NELL2: variants seen among roughly 807,000 people sequenced by gnomAD.
NELL2 encodes protein kinase C-binding protein NELL2.
In NELL2, 41 loss-of-function variants were observed where a neutral mutation model predicts 109.6. The ratio of observed to expected loss-of-function variants is 0.37; its 90% CI spans 0.29 to 0.49. The LOEUF (loss-of-function observed/expected upper bound fraction) is 0.49, where lower values mean the gene tolerates loss of function less well. Ranked by LOEUF, NELL2 falls within the 20% of genes least tolerant of loss-of-function variation. NELL2 has a pLI of 0.98. For synonymous variants in NELL2, 355 were observed against 344.7 expected (o/e 1.03, Z -0.33); for missense variants, 900 against 1,008.3 (o/e 0.89, Z 1.45).
chr12:44,542,868 G>A lies in NELL2; in HGVS notation c.1664-10147C>T, dbSNP rs190178120. 3.9e-5 allele frequency among the ~76,000 whole-genome samples: 6 copies of A among 152,288 alleles called. No homozygotes were observed. The East Asian group carries it at 1.2e-3, about 29-fold the overall frequency. ...ATTCTTCATCTGGAGTTATGTAGGT[G>A]TACACTGGAGTTATGTAGCCATAGC... On this transcript the variant is annotated intron_variant, in intron 15 of 19. Coordinates refer to ENST00000429094, the MANE Select transcript of NELL2 (RefSeq NM_001145108.2).
At chr12:44,886,745 C>A (rs1945477796) in intron 1 of NELL2, among the ~76,000 whole-genome samples, 1 of 151,972 alleles carries the variant, frequency 6.6e-6, no homozygotes, top group African/African-American at 2.4e-5. Context: ...TCTATGTTAA[C>A]ACTAAGTCTT....
chr12:44,712,503 T>C (rs747867675), intron 10 of NELL2, among the ~76,000 whole-genome samples: 2 of 151,954 alleles, frequency 1.3e-5, no homozygotes, highest in Non-Finnish European at 2.9e-5. Flanking sequence ...CTGCTAATAT[T>C]TTCAAAAGGA....
chr12:44,697,142 TA>T (rs1484652626), intron 12 of NELL2, among the ~76,000 whole-genome samples: 1 of 152,192 alleles, frequency 6.6e-6, no homozygotes, highest in Non-Finnish European at 1.5e-5. Flanking sequence ...AACTTCTAAC[TA>T]AAGACCAAAA....
At chr12:44,885,987 A>T (rs889373208) in intron 1 of NELL2, among the ~76,000 whole-genome samples, 4 of 151,680 alleles carry the variant, frequency 2.6e-5, no homozygotes, top group African/African-American at 9.7e-5. Context: ...TATATATATA[A>T]TGGTTAATTG....
chr12:44,735,594 G>T (rs1008257236), intron 9 of NELL2, among the ~76,000 whole-genome samples: 29 of 152,006 alleles, frequency 1.9e-4, no homozygotes, highest in African/African-American at 7.0e-4. Flanking sequence ...TTTTGTTTCT[G>T]TCCCCTTTGC....
At chr12:44,542,749 T>C (rs977882600) in intron 15 of NELL2, among the ~76,000 whole-genome samples, 6 of 152,032 alleles carry the variant, frequency 3.9e-5, no homozygotes, top group Non-Finnish European at 8.8e-5. Context: ...GTCAGGAAAA[T>C]TGGGCCACTA....
intron 13 of NELL2, among the ~76,000 whole-genome samples, chr12:44,662,379 G>T (rs1392564048): frequency 6.6e-6 from 1 of 152,048 alleles, no homozygotes; most frequent in African/African-American, 2.4e-5. Context: ...TTGTATGACT[G>T]CAAATTAGAC....
At chr12:44,651,878 G>C (rs781194255) in intron 13 of NELL2, among the ~76,000 whole-genome samples, 5 of 152,132 alleles carry the variant, frequency 3.3e-5, no homozygotes, top group Non-Finnish European at 5.9e-5. Context: ...TAGGAGAGGG[G>C]AGACCTTCTT....
chr12:44,883,293 G>T (rs1290186558), intron 1 of NELL2, among the ~76,000 whole-genome samples: 1 of 151,874 alleles, frequency 6.6e-6, no homozygotes, highest in Non-Finnish European at 1.5e-5. Flanking sequence ...ACTTCTACAG[G>T]GTGTCTGCAT....
chr12:44,848,428 C>T (rs953462976), intron 2 of NELL2, among the ~76,000 whole-genome samples: 7 of 152,120 alleles, frequency 4.6e-5, no homozygotes, highest in Admixed American at 4.6e-4. Flanking sequence ...GAACAAGTGA[C>T]AGCAACCATA....
Position 44,781,602 on chromosome 12 carries a change from ATAAT to A in NELL2, c.336-1584_336-1581del, listed in dbSNP as rs1467538111. Among the ~76,000 whole-genome samples the A allele has an allele frequency of 2.6e-5, 4 of 152,162 alleles. No homozygotes were observed. The East Asian group carries it at 7.7e-4, about 29-fold the overall frequency. ...TTTCAACTTCATATCAAGCCATATCATAATTAATCTTCTGAAAACTAAAAACAAA... is the reference window on the plus strand; with the variant it reads ...TTTCAACTTCATATCAAGCCATATCATAATCTTCTGAAAACTAAAAACAAA... On this transcript the variant is annotated intron_variant, in intron 3 of 19. Coordinates refer to ENST00000429094, the MANE Select transcript of NELL2 (RefSeq NM_001145108.2).
chr12:44,862,517 T>G (rs1441672471), intron 2 of NELL2, among the ~76,000 whole-genome samples: 3 of 152,220 alleles, frequency 2.0e-5, no homozygotes. Context: ...AATTCTGATG[T>G]TAGTTCTGTT....
chr12:44,661,318 C>T (rs1016417754), intron 13 of NELL2, among the ~76,000 whole-genome samples: 11 of 152,206 alleles, frequency 7.2e-5, no homozygotes, highest in Admixed American at 2.0e-4. Flanking sequence ...TTGGGTCACC[C>T]ATCTGGGACT....
intron 13 of NELL2, among the ~76,000 whole-genome samples, chr12:44,664,960 G>A (rs1944254493): frequency 6.6e-6 from 1 of 152,016 alleles, no homozygotes; most frequent in Non-Finnish European, 1.5e-5. Context: ...TCCCTAACAA[G>A]ACTTTAGATG....
chr12:44,523,316 T>C lies in NELL2; in HGVS notation c.1973A>G (p.Asp658Gly). The part of the protein sequence containing the change: ...HNGQIWVLEN[D>G]RCSVCSCQNG... The stretch of plus-strand genomic sequence containing the variant: ...CTGACATGAGCACACAGAGCACCTG[T>C]CATTTTCCAACACCCAAATCTGACC... Residue 658 changes from aspartate to glycine, a missense_variant, in exon 17 of 20, where the codon GAC becomes GGC. Around this residue, in one of 4 missense-constraint regions of NELL2, gnomAD observed 333 missense variants for 432.3 expected, o/e 0.77. Coordinates refer to ENST00000429094, the MANE Select transcript of NELL2 (RefSeq NM_001145108.2). 6.2e-7 allele frequency: 1 copy of C among 1,614,170 alleles called. No homozygotes were observed. Among genetic ancestry groups the C allele is most frequent in the South Asian group, 1.1e-5 (1 of 91,086 alleles).
At chr12:44,744,320 T>C (rs1386307061) in intron 9 of NELL2, among the ~76,000 whole-genome samples, 1 of 152,054 alleles carries the variant, frequency 6.6e-6, no homozygotes, top group Non-Finnish European at 1.5e-5. Flanking sequence ...GGGAAATTTA[T>C]AACACTAAAT....
intron 2 of NELL2, among the ~76,000 whole-genome samples, chr12:44,820,082 C>T (rs1943488607): frequency 6.6e-6 from 1 of 152,142 alleles, no homozygotes; most frequent in African/African-American, 2.4e-5. Context: ...ACAGAGAGTA[C>T]ATAGAGGAAG....
intron 15 of NELL2, among the ~76,000 whole-genome samples, chr12:44,574,293 T>A (rs571402527): frequency 6.6e-6 from 1 of 152,184 alleles, no homozygotes; most frequent in East Asian, 1.9e-4. Flanking sequence ...TTATTATATG[T>A]TCACCATCTG....
chr12:44,679,073 C>T (rs184529595), intron 12 of NELL2, among the ~76,000 whole-genome samples: 29 of 152,148 alleles, frequency 1.9e-4, no homozygotes, highest in African/African-American at 6.5e-4. Flanking sequence ...AAATTGAAAA[C>T]TGAGTTTGAA....
Sources: allele counts gnomAD v4.1 joint callset (sites outside exome capture counted in the v4.1 genomes callset), GRCh38; gene constraint gnomAD v4.1.1; regional missense constraint gnomAD v4.1.1; transcripts MANE v1.5; gene names NCBI Gene and HGNC (gene_info 2026-07-23, HGNC 2026-07-21).